Variants in UTP20 observed in about 807,000 individuals in gnomAD.
UTP20 encodes small subunit processome component 20 homolog.
A neutral mutation model predicts 329.5 loss-of-function variants in UTP20; 164 were observed. That is an observed-to-expected ratio of 0.50 (90% CI 0.44 to 0.57). The LOEUF is 0.57. Ranked by LOEUF, UTP20 falls within the 20% of genes least tolerant of loss-of-function variation. The pLI is 0.00. For synonymous variants in UTP20, 1,151 were observed against 1,159.3 expected (o/e 0.99, Z 0.14); for missense variants, 3,055 against 3,284.2 (o/e 0.93, Z 1.71).
At chr12:101,327,575 C>T (rs1868610233) in intron 26 of UTP20, among the ~76,000 whole-genome samples, 1 of 152,182 alleles carries the variant, frequency 6.6e-6, no homozygotes. Context: ...AAATTCAAAG[C>T]ACACTGCAAA....
chr12:101,370,094 C>A (rs1306501762), intron 49 of UTP20, among the ~76,000 whole-genome samples: 2 of 151,528 alleles, frequency 1.3e-5, no homozygotes, highest in African/African-American at 4.9e-5. Context: ...GTGATGTGTA[C>A]CTGTAGTCCC....
chr12:101,298,207 G>T (rs568521604), intron 12 of UTP20, among the ~76,000 whole-genome samples: 2 of 152,278 alleles, frequency 1.3e-5, no homozygotes, highest in African/African-American at 4.8e-5. Flanking sequence ...TAAGAAAAAA[G>T]TTCCTTCTTT....
chr12:101,281,080 A>G, intron 1 of UTP20, 36 bp from the exon 2 acceptor site: 2 of 1,533,024 alleles, frequency 1.3e-6, no homozygotes, highest in Non-Finnish European at 1.8e-6. Context: ...ATAAATTTTA[A>G]TTAATTATGT....
chr12:101,280,189 G>C lies in UTP20; in HGVS notation c.-94G>C, dbSNP rs1871745579. 1.4e-6 allele frequency: 2 copies of C among 1,460,920 alleles called. No homozygotes were observed. The highest frequency in any genetic ancestry group is 4.4e-5 in the Admixed American group (2 of 45,720). The allele number at this position is 1,460,920 out of a possible 1,614,324, so 90.5% of individuals were successfully genotyped here. On this transcript the variant is annotated 5_prime_UTR_variant, in exon 1 of 62. Coordinates refer to ENST00000261637, the MANE Select transcript of UTP20 (RefSeq NM_014503.3). ...AAAGTCTGGGCATCTGGGAATCGGA[G>C]AGTATAGCCTGTGAGCCGCTTTCCC...
chr12:101,366,514 C>T, intron 46 of UTP20, 44 bp from the exon 47 acceptor site: 3 of 1,571,850 alleles, frequency 1.9e-6, no homozygotes, highest in Non-Finnish European at 2.6e-6. Flanking sequence ...TGGAATGCAG[C>T]TGACAGTGTT....
At position 101,374,683 on chromosome 12, in the gene UTP20, G is replaced by A. The variant is rs1870413984; in HGVS notation, c.7132-125G>A. ...AAGCTCCATAATTTACTGATTTCTG[G>A]CATCAGAAAGAAATGTTTATTTTCT... On this transcript the variant is annotated intron_variant, in intron 54 of 61. Coordinates refer to ENST00000261637, the MANE Select transcript of UTP20 (RefSeq NM_014503.3). 9.9e-6 allele frequency: 6 copies of A among 608,810 alleles called. No individual in the cohort carries two copies. In the East Asian group the frequency reaches 1.6e-4, roughly 16 times the overall value. 37.7% of individuals were successfully genotyped at this position (608,810 alleles called of 1,614,324 possible).
At chr12:101,357,364 T>C (rs998648870) in intron 43 of UTP20, among the ~76,000 whole-genome samples, 5 of 152,250 alleles carry the variant, frequency 3.3e-5, no homozygotes, top group Admixed American at 2.6e-4. Flanking sequence ...GTTCTTAATA[T>C]AATTCTTTTG....
intron 60 of UTP20, among the ~76,000 whole-genome samples, 192 bp downstream of exon 60, chr12:101,383,861 T>C (rs1398041237): frequency 2.7e-5 from 4 of 149,518 alleles, no homozygotes; most frequent in Non-Finnish European, 5.9e-5. Flanking sequence ...CACACACACA[T>C]ACATTTAAAA....
chr12:101,359,803 G>A (rs1179152401), intron 43 of UTP20, among the ~76,000 whole-genome samples: 4 of 152,134 alleles, frequency 2.6e-5, no homozygotes, highest in Non-Finnish European at 5.9e-5. Context: ...GCCCATGTCA[G>A]GGGCCAAGCA....
rs1056609479 is a variant in UTP20, at chr12:101,293,160, G to T, written c.1174-8G>T. 3.7e-6 allele frequency: 6 copies of T among 1,613,174 alleles called. No homozygotes were observed. The highest frequency in any genetic ancestry group is 1.1e-5 in the South Asian group (1 of 91,032). ...TACTTACATTAATATTTTTTACCTT[G>T]GTCACAGATATTTGAGAGCAGATTT... On this transcript the variant is annotated splice_polypyrimidine_tract_variant and splice_region_variant and intron_variant, in intron 10 of 61. Transcript: ENST00000261637.
rs1020631465 is a variant in UTP20, at chr12:101,347,520, GA to G, written c.4884+942del. ...CCTGGGCGACAGAGCGAGACTATTTGAAAAAAAAAAGTTTAATGAAAGGTGG... is the reference window on the plus strand; with the variant it reads ...CCTGGGCGACAGAGCGAGACTATTTGAAAAAAAAAGTTTAATGAAAGGTGG... On this transcript the variant is annotated intron_variant, in intron 38 of 61. Coordinates refer to ENST00000261637, the MANE Select transcript of UTP20 (RefSeq NM_014503.3). 2.0e-4 allele frequency among the ~76,000 whole-genome samples: 29 copies of G among 148,080 alleles called. No individual in the cohort carries two copies. The East Asian group carries it at 4.3e-3, about 22-fold the overall frequency.
intron 18 of UTP20, 58 bp from the exon 19 acceptor site, chr12:101,309,705 C>A: frequency 6.5e-7 from 1 of 1,537,784 alleles, no homozygotes; most frequent in Non-Finnish European, 8.9e-7. Flanking sequence ...CATTTCAGTA[C>A]TTCTGTTCTA....
At chr12:101,353,980 T>C (rs1700843024) in intron 40 of UTP20, among the ~76,000 whole-genome samples, 1 of 151,868 alleles carries the variant, frequency 6.6e-6, no homozygotes, top group African/African-American at 2.4e-5. Flanking sequence ...ACAGTTAGGC[T>C]GGGGCACGGT....
chr12:101,311,643 C>CTTTTTTT, intron 19 of UTP20, 76 bp from the exon 20 acceptor site: 1 of 1,019,576 alleles, frequency 9.8e-7, no homozygotes, highest in Non-Finnish European at 1.4e-6. Context: ...TCCTTTCACT[C>CTTTTTTT]TTTTTTTTTT....
At chr12:101,299,542 C>T (rs983386213) in intron 12 of UTP20, 140 bp from the exon 13 acceptor site, 29 of 686,706 alleles carry the variant, frequency 4.2e-5, no homozygotes, top group Non-Finnish European at 6.0e-5. Context: ...AAATGACTCA[C>T]ATTTGTTTAG....
Position 101,345,653 on chromosome 12 carries a change from G to T in UTP20, c.4705G>T (p.Asp1569Tyr). ...KDLVQLTHYH[D>Y]PEMDFFENMK... The stretch of plus-strand genomic sequence containing the variant: ...CTTGGTACAACTTACTCATTACCAT[G>T]ACCCAGAAATGGACTTCTTTGAGAA... Residue 1569 changes from aspartate to tyrosine, a missense_variant, in exon 37 of 62, where the codon GAC becomes TAC. Transcript: ENST00000261637. The T allele has an allele frequency of 6.2e-7, 1 of 1,612,100 alleles. No individual in the cohort carries two copies. Among genetic ancestry groups the T allele is most frequent in the Non-Finnish European group, 8.5e-7 (1 of 1,179,578 alleles).
chr12:101,293,338 T>C, intron 11 of UTP20, 93 bp downstream of exon 11: 5 of 1,205,806 alleles, frequency 4.1e-6, no homozygotes, highest in Non-Finnish European at 6.0e-6. Context: ...TGTTTGTTTT[T>C]TGAGAGGAAC....
intron 27 of UTP20, among the ~76,000 whole-genome samples, chr12:101,329,804 G>A (rs1868698007): frequency 6.6e-6 from 1 of 151,974 alleles, no homozygotes; most frequent in South Asian, 2.1e-4. Flanking sequence ...AGGAGTTTGA[G>A]ACCAGCCTGG....
intron 25 of UTP20, among the ~76,000 whole-genome samples, chr12:101,322,875 TAGAA>T (rs1868417459): frequency 1.3e-5 from 2 of 152,142 alleles, no homozygotes; most frequent in South Asian, 2.1e-4. Flanking sequence ...ACAATAAAAA[TAGAA>T]AGCAGAAATC....
Sources: allele counts gnomAD v4.1 joint callset (sites outside exome capture counted in the v4.1 genomes callset), GRCh38; gene constraint gnomAD v4.1.1; transcripts MANE v1.5; gene names NCBI Gene and HGNC (gene_info 2026-07-23, HGNC 2026-07-21).